CTNND2: variants seen among roughly 807,000 people sequenced by gnomAD.
The protein encoded by CTNND2 is catenin delta 2.
In CTNND2, 22 loss-of-function variants were observed where a neutral mutation model predicts 144.4. The observed-to-expected ratio is 0.15, with a 90% CI of 0.11 to 0.22. CTNND2 has a LOEUF of 0.22. Ranked by LOEUF, CTNND2 falls within the 10% of genes least tolerant of loss-of-function variation. The probability of loss-of-function intolerance (pLI) is 1.00; values close to 1 mark genes in which losing one functional copy is unlikely to be tolerated. For missense variants in CTNND2, 1,353 were observed against 1,618.8 expected (o/e 0.84, Z 2.82); for synonymous variants, 751 against 695.6 (o/e 1.08, Z -1.25).
intron 15 of CTNND2, among the ~76,000 whole-genome samples, chr5:11,089,701 G>A (rs1400066494): frequency 1.3e-5 from 2 of 152,118 alleles, no homozygotes; most frequent in African/African-American, 2.4e-5. Context: ...TCCACAAAAC[G>A]ACTGCTAGGG....
intron 9 of CTNND2, among the ~76,000 whole-genome samples, chr5:11,303,312 T>C (rs533111039): frequency 3.3e-4 from 50 of 152,324 alleles, no homozygotes; most frequent in Admixed American, 4.6e-4. Context: ...TACAGGTTGC[T>C]CATGGAACTC....
At chr5:11,827,212 G>A (rs1793650292) in intron 1 of CTNND2, among the ~76,000 whole-genome samples, 1 of 152,106 alleles carries the variant, frequency 6.6e-6, no homozygotes, top group Non-Finnish European at 1.5e-5. Flanking sequence ...CTAAAACTCA[G>A]GTGTAAATAA....
chr5:11,772,975 T>G (rs1261129717), intron 1 of CTNND2, among the ~76,000 whole-genome samples: 1 of 152,174 alleles, frequency 6.6e-6, no homozygotes, highest in Non-Finnish European at 1.5e-5. Flanking sequence ...AGAGCAGAAA[T>G]ATAAGATGAC....
At chr5:11,889,792 G>C (rs1736824728) in intron 1 of CTNND2, among the ~76,000 whole-genome samples, 1 of 152,046 alleles carries the variant, frequency 6.6e-6, no homozygotes, top group African/African-American at 2.4e-5. Flanking sequence ...TTATTACATT[G>C]CAACTTTTAA....
At chr5:10,993,730 A>C (rs769768708) in intron 18 of CTNND2, among the ~76,000 whole-genome samples, 6 of 152,056 alleles carry the variant, frequency 3.9e-5, no homozygotes, top group Non-Finnish European at 8.8e-5. Flanking sequence ...AAAATCATGC[A>C]CCTCTCATTC....
chr5:11,562,515 G>T (rs17819303), intron 3 of CTNND2, among the ~76,000 whole-genome samples: 2,456 of 152,300 alleles, frequency 0.016, 21 homozygotes, highest in African/African-American at 0.025. Flanking sequence ...AAATGCAGAT[G>T]CATACATTAG....
At chr5:11,397,886 T>G (rs1296150972) in intron 5 of CTNND2, among the ~76,000 whole-genome samples, 4 of 152,228 alleles carry the variant, frequency 2.6e-5, no homozygotes, top group Non-Finnish European at 5.9e-5. Flanking sequence ...TTTCTGGTCT[T>G]ACTTAATTAT....
intron 14 of CTNND2, among the ~76,000 whole-genome samples, chr5:11,105,903 G>C (rs186216829): frequency 6.6e-6 from 1 of 152,134 alleles, no homozygotes; most frequent in African/African-American, 2.4e-5. Context: ...CAAGAGGAAC[G>C]GGCGGCAGCT....
At chr5:11,818,946 A>G (rs563914805) in intron 1 of CTNND2, among the ~76,000 whole-genome samples, 23 of 151,882 alleles carry the variant, frequency 1.5e-4, no homozygotes, top group Non-Finnish European at 3.1e-4. Context: ...TGTCTCAAAG[A>G]CCTATTTGTT....
intron 11 of CTNND2, among the ~76,000 whole-genome samples, chr5:11,185,610 G>A (rs1293982200): frequency 6.6e-6 from 1 of 152,238 alleles, no homozygotes; most frequent in African/African-American, 2.4e-5. Context: ...CGTCATGATG[G>A]AAGAGCGAGT....
chr5:11,281,058 A>G (rs974055393), intron 9 of CTNND2, among the ~76,000 whole-genome samples: 2 of 152,244 alleles, frequency 1.3e-5, no homozygotes, highest in East Asian at 3.8e-4. Context: ...TTCACCACAC[A>G]TGAAATCCTC....
intron 3 of CTNND2, among the ~76,000 whole-genome samples, chr5:11,467,133 T>C (rs1274257880): frequency 6.6e-6 from 1 of 152,202 alleles, no homozygotes; most frequent in Non-Finnish European, 1.5e-5. Context: ...CCATCATCTG[T>C]AAGAGATCCA....
At chr5:11,349,109 G>T (rs1457035095) in intron 8 of CTNND2, among the ~76,000 whole-genome samples, 1 of 152,076 alleles carries the variant, frequency 6.6e-6, no homozygotes, top group African/African-American at 2.4e-5. Context: ...TGTTATTGAA[G>T]AGAAAAAATG....
intron 8 of CTNND2, among the ~76,000 whole-genome samples, chr5:11,359,604 T>C (rs2214290): frequency 1.8e-4 from 28 of 152,308 alleles, no homozygotes; most frequent in Non-Finnish European, 3.5e-4. Context: ...CTTGGAGTCC[T>C]CGGGCAGGTG....
intron 14 of CTNND2, among the ~76,000 whole-genome samples, chr5:11,104,045 T>G (rs1241861131): frequency 1.3e-5 from 2 of 152,212 alleles, no homozygotes; most frequent in African/African-American, 2.4e-5. Context: ...ATCAAGTTTG[T>G]GTGCAGAAAA....
chr5:11,622,956 T>C (rs1447441635), intron 2 of CTNND2, among the ~76,000 whole-genome samples: 1 of 152,170 alleles, frequency 6.6e-6, no homozygotes, highest in Non-Finnish European at 1.5e-5. Context: ...TATGACTATA[T>C]CCTTCAAAGC....
At chr5:11,647,953 G>A (rs1782448687) in intron 2 of CTNND2, among the ~76,000 whole-genome samples, 1 of 152,142 alleles carries the variant, frequency 6.6e-6, no homozygotes. Context: ...GACAGACATA[G>A]ACAAAGGAGC....
chr5:11,853,956 CAGGTT>C (rs1313652443), intron 1 of CTNND2, among the ~76,000 whole-genome samples: 2 of 152,212 alleles, frequency 1.3e-5, no homozygotes, highest in Non-Finnish European at 2.9e-5. Context: ...CTGTTCTCTA[CAGGTT>C]CATCAGACTG....
intron 11 of CTNND2, among the ~76,000 whole-genome samples, chr5:11,178,536 C>T (rs10052776): frequency 0.47 from 70,844 of 151,838 alleles, 17,942 homozygotes; most frequent in African/African-American, 0.68. Context: ...GAATGGAAAA[C>T]CTGTGATATG....
Sources: allele counts gnomAD v4.1 joint callset (sites outside exome capture counted in the v4.1 genomes callset), GRCh38; gene constraint gnomAD v4.1.1; transcripts MANE v1.5; gene names NCBI Gene and HGNC (gene_info 2026-07-23, HGNC 2026-07-21).